The following RYR2 variants were observed in gnomAD, a reference collection of about 807,000 sequenced individuals.
The protein encoded by RYR2 is ryanodine receptor 2, also known as cardiac muscle ryanodine receptor-calcium release channel.
RYR2 carries 227 observed loss-of-function variants against 601.1 expected under a neutral mutation model. The observed-to-expected ratio is 0.38, with a 90% CI of 0.34 to 0.42. RYR2 has a LOEUF of 0.42. RYR2 is among the 10% of genes least tolerant of loss of function. The pLI, the probability that RYR2 is intolerant of heterozygous loss-of-function variation, is 1.00. For synonymous variants in RYR2, 2,223 were observed against 2,175.1 expected, an observed-to-expected ratio of 1.02 and a Z score of -0.61; for missense variants, 4,646 against 6,156.5, an observed-to-expected ratio of 0.75 and a Z score of 8.21.
Position 237,610,369 on chromosome 1 carries a change from G to T in RYR2, c.4684-393G>T, listed in dbSNP as rs893152676. On this transcript the variant is annotated intron_variant, in intron 35 of 104. Coordinates refer to ENST00000366574, the MANE Select transcript of RYR2 (RefSeq NM_001035.3). The surrounding 1 kb of genome is among the most constrained non-coding windows in gnomAD (Gnocchi z 4.9). Reference sequence around the variant, plus strand: ...CAGATATTGAGAGAGAGAGCCAGGGGGATGTGACATATCTGTCATTCAGGA... The same window carrying T: ...CAGATATTGAGAGAGAGAGCCAGGGTGATGTGACATATCTGTCATTCAGGA... Among the ~76,000 whole-genome samples the T allele has an allele frequency of 6.6e-6, 1 of 152,150 alleles. No individual in the cohort carries two copies. The highest frequency in any genetic ancestry group is 1.5e-5 in the Non-Finnish European group (1 of 68,024).
chr1:237,387,987 C>A, intron 9 of RYR2, 100 bp from the exon 10 acceptor site: 1 of 1,097,406 alleles, frequency 9.1e-7, no homozygotes, highest in Non-Finnish European at 1.4e-6. Flanking sequence ...CACTAGACTT[C>A]AGTTTCTTTA....
intron 10 of RYR2, among the ~76,000 whole-genome samples, chr1:237,409,996 C>G (rs1331382454): frequency 6.6e-6 from 1 of 152,002 alleles, no homozygotes; most frequent in Admixed American, 6.6e-5. Context: ...AAAAATGAAA[C>G]CAGAATGTTA....
In RYR2 at chr1:237,492,977, C is replaced by G; in HGVS notation, c.1851C>G (p.Leu617=). Residue 617 remains leucine, a synonymous_variant, in exon 19 of 105, where the codon CTC becomes CTG. Coordinates refer to ENST00000366574, the MANE Select transcript of RYR2 (RefSeq NM_001035.3). ...AGGTTCTGGATGTCTTGTGCTCACT[C>G]TGTGTTTGCCACGGGGTTGCAGTCC... ...NHKVLDVLCS[L]CVCHGVAVRS... The G allele has an allele frequency of 6.2e-7, 1 of 1,600,612 alleles. No homozygotes were observed. Among genetic ancestry groups the G allele is most frequent in the Non-Finnish European group, 8.5e-7 (1 of 1,172,114 alleles).
At chr1:237,045,458 A>G (rs1660459088) in intron 1 of RYR2, among the ~76,000 whole-genome samples, 1 of 152,150 alleles carries the variant, frequency 6.6e-6, no homozygotes, top group South Asian at 2.1e-4. Context: ...CCTTCCAAAT[A>G]GTTATGTAGA....
At chr1:237,168,307 G>A (rs994319339) in intron 1 of RYR2, among the ~76,000 whole-genome samples, 4 of 152,074 alleles carry the variant, frequency 2.6e-5, no homozygotes, top group Non-Finnish European at 1.5e-5. Context: ...TCTTCATGCA[G>A]GGGGTGCTGG....
At chr1:237,632,760 AT>A (rs1261337517) in intron 42 of RYR2, among the ~76,000 whole-genome samples, 1 of 124,820 alleles carries the variant, frequency 8.0e-6, no homozygotes, top group Non-Finnish European at 1.7e-5. Flanking sequence ...GAATAGTATA[AT>A]AAAAAAAAAC....
intron 2 of RYR2, among the ~76,000 whole-genome samples, chr1:237,322,821 C>CGTGTGTGTGT (rs113420477): frequency 3.1e-4 from 44 of 143,146 alleles, no homozygotes; most frequent in African/African-American, 9.5e-4. Flanking sequence ...AACACACACA[C>CGTGTGTGTGT]GTGTGTGTGT....
At chr1:237,262,348 C>T (rs1688630140) in intron 1 of RYR2, among the ~76,000 whole-genome samples, 1 of 149,438 alleles carries the variant, frequency 6.7e-6, no homozygotes, top group Non-Finnish European at 1.5e-5. Context: ...CTCCGCCTCC[C>T]AGGTTCAAGT....
At chr1:237,478,748 A>G (rs963523754) in intron 17 of RYR2, among the ~76,000 whole-genome samples, 1 of 152,042 alleles carries the variant, frequency 6.6e-6, no homozygotes, top group African/African-American at 2.4e-5. Context: ...TTGTCTTTCC[A>G]AGGCCAGACA....
intron 74 of RYR2, 83 bp from the exon 75 acceptor site, chr1:237,726,190 C>T (rs895504046): frequency 7.5e-6 from 7 of 929,078 alleles, no homozygotes; most frequent in African/African-American, 3.4e-5. Flanking sequence ...GACATTATTA[C>T]AATCATTTTT....
At chr1:237,233,161 C>T (rs1277295200) in intron 1 of RYR2, among the ~76,000 whole-genome samples, 1 of 152,120 alleles carries the variant, frequency 6.6e-6, no homozygotes, top group African/African-American at 2.4e-5. Flanking sequence ...AGGCAGGGCA[C>T]CTGTGTTAAG....
At chr1:237,505,876 T>C (rs978804961) in intron 22 of RYR2, among the ~76,000 whole-genome samples, 2 of 152,226 alleles carry the variant, frequency 1.3e-5, no homozygotes, top group African/African-American at 4.8e-5. Flanking sequence ...TTCCTTTTAA[T>C]GGGAACATAT....
In RYR2 at chr1:237,589,568, T is replaced by C. The variant is rs12033746; in HGVS notation, c.3599-225T>C. Among the ~76,000 whole-genome samples, 77,263 of 151,470 alleles carry C rather than the reference T, an allele frequency of 0.51. 19,995 individuals carry two copies. The highest frequency in any genetic ancestry group is 0.67 in the East Asian group (3,426 of 5,094). ...TAAGTCTGAGATGACAGAAGGGACT[T>C]ATCTAGGGCCCACAGCTAGTAAATT... On this transcript the variant is annotated intron_variant, in intron 29 of 104. Coordinates refer to ENST00000366574, the MANE Select transcript of RYR2 (RefSeq NM_001035.3).
intron 33 of RYR2, among the ~76,000 whole-genome samples, chr1:237,594,639 G>A (rs1675599675): frequency 6.6e-6 from 1 of 152,100 alleles, no homozygotes; most frequent in African/African-American, 2.4e-5. Flanking sequence ...TGGATTTTAT[G>A]TAGATAGTGT....
chr1:237,217,268 G>C (rs1487915017), intron 1 of RYR2, among the ~76,000 whole-genome samples: 1 of 151,990 alleles, frequency 6.6e-6, no homozygotes, highest in African/African-American at 2.4e-5. Context: ...TCAGGCTATA[G>C]GTAGTCTACG....
intron 1 of RYR2, among the ~76,000 whole-genome samples, chr1:237,107,103 A>G (rs1203682422): frequency 6.6e-6 from 1 of 152,188 alleles, no homozygotes; most frequent in African/African-American, 2.4e-5. Flanking sequence ...ATGAACCAAT[A>G]AAAGTCTTAT....
chr1:237,099,699 C>CAA (rs1442997856), intron 1 of RYR2, among the ~76,000 whole-genome samples: 1 of 152,164 alleles, frequency 6.6e-6, no homozygotes, highest in African/African-American at 2.4e-5. Context: ...CCTTCTTTTG[C>CAA]TATGAAAAAC....
intron 11 of RYR2, among the ~76,000 whole-genome samples, chr1:237,417,888 T>C (rs1705170560): frequency 6.6e-6 from 1 of 152,144 alleles, no homozygotes; most frequent in African/African-American, 2.4e-5. Context: ...TTTCAATGTG[T>C]TTACTTCCTA....
chr1:237,757,683 T>C lies in RYR2; in HGVS notation c.11246-14T>C. ...GAAATGATATAAGGAACACTACTTT[T>C]TTATATTTCTTAGGTGAAACTGGAC... On this transcript the variant is annotated splice_polypyrimidine_tract_variant and intron_variant, in intron 81 of 104. Transcript: ENST00000366574. The C allele has an allele frequency of 1.3e-6, 2 of 1,570,404 alleles. No individual in the cohort carries two copies. Among genetic ancestry groups the C allele is most frequent in the African/African-American group, 1.3e-5 (1 of 74,114 alleles).
Sources: allele counts gnomAD v4.1 joint callset (sites outside exome capture counted in the v4.1 genomes callset), GRCh38; gene constraint gnomAD v4.1.1; non-coding constraint Gnocchi (gnomAD v3.1); transcripts MANE v1.5; gene names NCBI Gene and HGNC (gene_info 2026-07-23, HGNC 2026-07-21).